The following CAMK1D variants were observed in gnomAD, a reference collection of about 807,000 sequenced individuals.
CAMK1D encodes the protein calcium/calmodulin dependent protein kinase ID, also known as calcium/calmodulin-dependent protein kinase type 1D.
A neutral mutation model predicts 47.7 loss-of-function variants in CAMK1D; 9 were observed. The observed-to-expected ratio is 0.19, with a 90% CI of 0.11 to 0.33. The LOEUF (loss-of-function observed/expected upper bound fraction) is 0.33, where lower values mean the gene tolerates loss of function less well. Among genes scored for constraint, CAMK1D ranks in the 10% least tolerant of loss-of-function variants. The pLI is 1.00. For synonymous variants in CAMK1D, 184 were observed against 184.9 expected (o/e 0.99, Z 0.04); for missense variants, 291 against 488.7 (o/e 0.60, Z 3.81).
chr10:12,578,167 C>T (rs1372951441), intron 2 of CAMK1D, among the ~76,000 whole-genome samples: 5 of 152,056 alleles, frequency 3.3e-5, no homozygotes, highest in South Asian at 2.1e-4. Flanking sequence ...CTCGACCTCC[C>T]GGGCCCAAGC....
intron 1 of CAMK1D, among the ~76,000 whole-genome samples, chr10:12,435,221 CAAAAA>C (rs910066372): frequency 9.1e-5 from 4 of 44,024 alleles, no homozygotes; most frequent in African/African-American, 3.8e-4. Flanking sequence ...AACTCTGTCT[CAAAAA>C]AAAAAAAAAA....
At chr10:12,481,646 A>G (rs925432410) in intron 1 of CAMK1D, among the ~76,000 whole-genome samples, 4 of 152,068 alleles carry the variant, frequency 2.6e-5, no homozygotes, top group African/African-American at 9.7e-5. Flanking sequence ...AGCAGCCGCG[A>G]TTACAGGCGT....
chr10:12,493,669 T>C (rs1834454762), intron 1 of CAMK1D, among the ~76,000 whole-genome samples: 1 of 152,048 alleles, frequency 6.6e-6, no homozygotes, highest in African/African-American at 2.4e-5. Context: ...AATTTTTGTA[T>C]TTTTAGTAGG....
At chr10:12,408,564 C>T (rs1839532839) in intron 1 of CAMK1D, among the ~76,000 whole-genome samples, 1 of 152,174 alleles carries the variant, frequency 6.6e-6, no homozygotes. Context: ...AAGGTGGGTG[C>T]ATCTCCAGTC....
At chr10:12,517,844 A>C (rs2132179229) in intron 1 of CAMK1D, among the ~76,000 whole-genome samples, 1 of 152,288 alleles carries the variant, frequency 6.6e-6, no homozygotes, top group Admixed American at 6.5e-5. Flanking sequence ...TCCTACCAGC[A>C]GTGTATAACT....
intron 3 of CAMK1D, among the ~76,000 whole-genome samples, chr10:12,729,650 A>T (rs1834805033): frequency 6.6e-6 from 1 of 152,190 alleles, no homozygotes; most frequent in African/African-American, 2.4e-5. Flanking sequence ...ATTTGTTTTT[A>T]AAAAGGATTA....
At chr10:12,542,574 A>G (rs1836230696) in intron 1 of CAMK1D, among the ~76,000 whole-genome samples, 1 of 152,172 alleles carries the variant, frequency 6.6e-6, no homozygotes. Flanking sequence ...TTCTTGTTAA[A>G]AGTCAGAGGA....
chr10:12,678,847 C>A (rs980711667), intron 3 of CAMK1D, among the ~76,000 whole-genome samples: 1 of 152,084 alleles, frequency 6.6e-6, no homozygotes, highest in Admixed American at 6.6e-5. Flanking sequence ...GCTGCAACCT[C>A]CGCCTCCCAG....
At chr10:12,812,777 G>A (rs1317842881) in intron 6 of CAMK1D, among the ~76,000 whole-genome samples, 4 of 152,150 alleles carry the variant, frequency 2.6e-5, no homozygotes, top group African/African-American at 9.7e-5. Context: ...GCCGTCCAGT[G>A]TAAACCAAGG....
At chr10:12,474,161 C>T (rs1203438492) in intron 1 of CAMK1D, among the ~76,000 whole-genome samples, 1 of 151,212 alleles carries the variant, frequency 6.6e-6, no homozygotes, top group Non-Finnish European at 1.5e-5. Flanking sequence ...GACTGTGTCA[C>T]CATGTCCCTA....
intron 1 of CAMK1D, among the ~76,000 whole-genome samples, chr10:12,507,753 C>T (rs1834920832): frequency 6.6e-6 from 1 of 152,168 alleles, no homozygotes; most frequent in Admixed American, 6.5e-5. Context: ...GTTCCCAATT[C>T]TTTTATTTCT....
intron 1 of CAMK1D, among the ~76,000 whole-genome samples, chr10:12,485,292 G>C (rs1834180536): frequency 6.6e-6 from 1 of 152,182 alleles, no homozygotes; most frequent in African/African-American, 2.4e-5. Context: ...GCTGTCCCTG[G>C]GGAGCAGAAG....
At chr10:12,468,790 C>T (rs1833666304) in intron 1 of CAMK1D, among the ~76,000 whole-genome samples, 1 of 152,212 alleles carries the variant, frequency 6.6e-6, no homozygotes, top group South Asian at 2.1e-4. Flanking sequence ...CACCTTCCCC[C>T]TTCGGAACTA....
chr10:12,412,322 A>G (rs1839685424), intron 1 of CAMK1D, among the ~76,000 whole-genome samples: 1 of 151,890 alleles, frequency 6.6e-6, no homozygotes, highest in Admixed American at 6.6e-5. Flanking sequence ...AGAAAGAGAA[A>G]AGTGGGGCTG....
intron 1 of CAMK1D, among the ~76,000 whole-genome samples, chr10:12,351,699 G>A (rs1226905700): frequency 6.6e-6 from 1 of 152,168 alleles, no homozygotes; most frequent in Non-Finnish European, 1.5e-5. Flanking sequence ...CATGGTGTTT[G>A]GAGATGACTG....
chr10:12,777,806 G>A (rs756287925), intron 5 of CAMK1D, among the ~76,000 whole-genome samples: 21 of 152,218 alleles, frequency 1.4e-4, no homozygotes, highest in Non-Finnish European at 2.9e-5. Flanking sequence ...ACCTCCTTCC[G>A]CAGCCATGGC....
intron 1 of CAMK1D, among the ~76,000 whole-genome samples, chr10:12,468,984 C>G (rs1241724722): frequency 1.3e-5 from 2 of 152,128 alleles, no homozygotes; most frequent in African/African-American, 2.4e-5. Context: ...CCTCAGCAGT[C>G]TACATAGCGT....
chr10:12,742,748 C>A (rs889907315), intron 3 of CAMK1D, among the ~76,000 whole-genome samples: 1 of 152,166 alleles, frequency 6.6e-6, no homozygotes, highest in Non-Finnish European at 1.5e-5. Context: ...ATGTAACTAA[C>A]TAAAAGCTGT....
rs74118577 is a variant in CAMK1D, at chr10:12,762,623, C to T, written c.438+1537C>T. Among the ~76,000 whole-genome samples, 1,320 of 152,228 alleles carry T rather than the reference C, an allele frequency of 8.7e-3. 20 individuals are homozygous for T. Among genetic ancestry groups the T allele is most frequent in the African/African-American group, 0.03 (1,257 of 41,542 alleles). Reference sequence around the variant, plus strand: ...AACTTGCATTTCTAACAGGTCTGCCCGTGATGAGGATGCTGGTCTGGGAAC... The same window carrying T: ...AACTTGCATTTCTAACAGGTCTGCCTGTGATGAGGATGCTGGTCTGGGAAC... On this transcript the variant is annotated intron_variant, in intron 4 of 10. Coordinates refer to ENST00000619168, the MANE Select transcript of CAMK1D (RefSeq NM_153498.4).
Sources: allele counts gnomAD v4.1 joint callset (sites outside exome capture counted in the v4.1 genomes callset), GRCh38; gene constraint gnomAD v4.1.1; transcripts MANE v1.5; gene names NCBI Gene and HGNC (gene_info 2026-07-23, HGNC 2026-07-21).